SHROOM3: variants seen among roughly 807,000 people sequenced by gnomAD.
The protein encoded by SHROOM3 is shroom family member 3, also known as protein Shroom3.
Under a neutral mutation model 138.6 loss-of-function variants are expected in SHROOM3, and 47 were observed. The observed-to-expected ratio is 0.34, with a 90% CI of 0.27 to 0.43. SHROOM3 has a LOEUF of 0.43. Among genes scored for constraint, SHROOM3 ranks in the 20% least tolerant of loss-of-function variants. The probability of loss-of-function intolerance (pLI) is 1.00; values close to 1 mark genes in which losing one functional copy is unlikely to be tolerated. For missense variants in SHROOM3, 2,491 were observed against 2,596.5 expected (o/e 0.96, Z 0.88); for synonymous variants, 1,062 against 1,063.3 (o/e 1.00, Z 0.02).
At chr4:76,442,610 C>T (rs1295694388) in intron 1 of SHROOM3, among the ~76,000 whole-genome samples, 2 of 151,856 alleles carry the variant, frequency 1.3e-5, no homozygotes, top group Non-Finnish European at 2.9e-5. Context: ...AGGGTTTCAC[C>T]GTGTTAGCCA....
intron 2 of SHROOM3, among the ~76,000 whole-genome samples, chr4:76,559,926 G>C (rs1032209396): frequency 6.6e-6 from 1 of 152,194 alleles, no homozygotes; most frequent in African/African-American, 2.4e-5. Context: ...CAGAGCATGT[G>C]TCTGCTGCTT....
At position 76,740,451 on chromosome 4, in the gene SHROOM3, G is replaced by A. The variant is rs1721209702; in HGVS notation, c.2278G>A (p.Gly760Arg). Residue 760 changes from glycine to arginine, a missense_variant, in exon 5 of 11, where the codon GGG (glycine) becomes AGG (arginine). Around this residue, in one of 4 missense-constraint regions of SHROOM3, gnomAD observed 1,733 missense variants for 1,661.6 expected, o/e 1.04. Coordinates refer to ENST00000296043, the MANE Select transcript of SHROOM3 (RefSeq NM_020859.4). This position sits in a 1 kb window ranked among gnomAD's most constrained non-coding sequence, Gnocchi z 4.0. ...HPHTSSLGRR[G>R]PGPGSASALQ... ...GCACACATCCAGTCTGGGCCGGAGGGGGCCCGGCCCAGGCAGCGCCTCGGC... is the reference window on the plus strand; with the variant it reads ...GCACACATCCAGTCTGGGCCGGAGGAGGCCCGGCCCAGGCAGCGCCTCGGC... 1 of 1,611,506 alleles carries A rather than the reference G, an allele frequency of 6.2e-7. No homozygotes were observed. Among genetic ancestry groups the A allele is most frequent in the Non-Finnish European group, 8.5e-7 (1 of 1,178,666 alleles).
intron 2 of SHROOM3, among the ~76,000 whole-genome samples, chr4:76,588,001 G>A (rs968376967): frequency 4.6e-5 from 7 of 152,058 alleles, no homozygotes; most frequent in Non-Finnish European, 8.8e-5. Flanking sequence ...ATCATTTTTT[G>A]TATGGAGAGG....
Position 76,741,624 on chromosome 4 carries a change from A to T in SHROOM3, c.3451A>T (p.Arg1151Trp). 6.5e-7 allele frequency: 1 copy of T among 1,541,748 alleles called. No individual in the cohort carries two copies. The highest frequency in any genetic ancestry group is 8.7e-7 in the Non-Finnish European group (1 of 1,149,140). The change falls in exon 5 of 11, where the codon AGG becomes TGG. Residue 1151 changes from arginine (R) to tryptophan (W), a missense_variant. By Grantham distance (101) the Arg-to-Trp change is moderately radical. Around this residue, in one of 4 missense-constraint regions of SHROOM3, gnomAD observed 1,733 missense variants for 1,661.6 expected, o/e 1.04. Transcript: ENST00000296043. The surrounding 1 kb of genome is among the most constrained non-coding windows in gnomAD (Gnocchi z 6.2). ...SLREPSLQPR[R>W]EATLLPATVA... ...GCGGGAGCCCAGCCTGCAGCCCCGCAGGGAGGCCACGCTCCTGCCGGCCAC... is the reference window on the plus strand; with the variant it reads ...GCGGGAGCCCAGCCTGCAGCCCCGCTGGGAGGCCACGCTCCTGCCGGCCAC...
intron 2 of SHROOM3, among the ~76,000 whole-genome samples, chr4:76,587,782 A>G (rs1245784166): frequency 6.6e-6 from 1 of 152,236 alleles, no homozygotes; most frequent in African/African-American, 2.4e-5. Flanking sequence ...ACTTAAAAAT[A>G]TAGTGTATAT....
intron 2 of SHROOM3, chr4:76,688,617 G>C: frequency 1.0e-6 from 1 of 985,380 alleles, no homozygotes; most frequent in African/African-American, 1.7e-5. Flanking sequence ...CGTTGAAAGA[G>C]GCTGGAAGAA....
intron 5 of SHROOM3, among the ~76,000 whole-genome samples, chr4:76,743,741 G>C (rs1721340206): frequency 6.6e-6 from 1 of 152,294 alleles, no homozygotes; most frequent in Non-Finnish European, 1.5e-5. Context: ...TTTTCTCCCA[G>C]TATAAATCCC....
chr4:76,698,828 G>A (rs909394834), intron 2 of SHROOM3, among the ~76,000 whole-genome samples: 1 of 152,042 alleles, frequency 6.6e-6, no homozygotes, highest in South Asian at 2.1e-4. Flanking sequence ...CACTCACTGG[G>A]TCCTCTATAT....
chr4:76,722,950 T>C (rs1022953600), intron 3 of SHROOM3, among the ~76,000 whole-genome samples: 3 of 152,078 alleles, frequency 2.0e-5, no homozygotes, highest in Admixed American at 6.5e-5. Flanking sequence ...GCTGGTAGTC[T>C]GAGTATATTT....
At chr4:76,532,132 C>G (rs1732842679) in intron 1 of SHROOM3, 1 of 147,380 alleles carries the variant, frequency 6.8e-6, no homozygotes, top group Non-Finnish European at 1.5e-5. Context: ...TGTTCAATTC[C>G]CACCTATGAG....
intron 5 of SHROOM3, 110 bp from the exon 6 acceptor site, chr4:76,748,907 T>A: frequency 4.7e-6 from 4 of 855,332 alleles, no homozygotes; most frequent in Non-Finnish European, 7.6e-6. Flanking sequence ...GGCCTGACAA[T>A]AGTAGGTTGC....
intron 2 of SHROOM3, among the ~76,000 whole-genome samples, chr4:76,659,392 T>G (rs1023227155): frequency 6.6e-6 from 1 of 152,176 alleles, no homozygotes; most frequent in Admixed American, 6.5e-5. Context: ...CTGGGCTCCT[T>G]TGGAAAAAGT....
In SHROOM3 at chr4:76,783,024, C is replaced by T. The variant is rs1416126081; in HGVS notation, c.*3847C>T. The T allele has an allele frequency of 1.3e-5, 2 of 152,168 alleles. No individual in the cohort carries two copies. The highest frequency in any genetic ancestry group is 3.8e-4 in the East Asian group (2 of 5,196). The allele number at this position is 152,168 out of a possible 1,614,324, so 9.4% of individuals were successfully genotyped here. On this transcript the variant is annotated 3_prime_UTR_variant, in exon 11 of 11. Coordinates refer to ENST00000296043, the MANE Select transcript of SHROOM3 (RefSeq NM_020859.4). ...ATCCTTGGAATGCTTGTTAAAAATA[C>T]CAATTGCTATGACAAAACCAAGTCT...
At chr4:76,550,264 A>G (rs1371740241) in intron 1 of SHROOM3, among the ~76,000 whole-genome samples, 1 of 152,160 alleles carries the variant, frequency 6.6e-6, no homozygotes, top group Non-Finnish European at 1.5e-5. Flanking sequence ...ATGCCTGCCA[A>G]TGATAGATGC....
intron 1 of SHROOM3, among the ~76,000 whole-genome samples, chr4:76,497,656 G>A (rs1178670016): frequency 1.6e-4 from 24 of 152,084 alleles, no homozygotes; most frequent in African/African-American, 5.6e-4. Context: ...TCAGGAATTC[G>A]AGACCAGCCT....
chr4:76,460,865 G>A (rs575674746), intron 1 of SHROOM3, among the ~76,000 whole-genome samples: 1 of 137,684 alleles, frequency 7.3e-6, no homozygotes, highest in East Asian at 2.2e-4. Flanking sequence ...ATGGTAGTAT[G>A]CCCCTGTAGT....
At chr4:76,758,335 C>T (rs1025675154) in intron 8 of SHROOM3, 15 of 151,916 alleles carry the variant, frequency 9.9e-5, no homozygotes, top group African/African-American at 3.4e-4. Flanking sequence ...GGCTGAAGGA[C>T]CAAAGTAACA....
chr4:76,522,695 G>A (rs1368110017), intron 1 of SHROOM3, among the ~76,000 whole-genome samples: 1 of 152,172 alleles, frequency 6.6e-6, no homozygotes, highest in African/African-American at 2.4e-5. Context: ...GGCTGAGACA[G>A]GAGAATCGCT....
At chr4:76,688,973 T>TTG in intron 2 of SHROOM3, 2 of 977,164 alleles carry the variant, frequency 2.0e-6, no homozygotes, top group South Asian at 9.5e-5. Context: ...TTTTTTTTTT[T>TTG]TTTTTAGCTG....
Sources: allele counts gnomAD v4.1 joint callset (sites outside exome capture counted in the v4.1 genomes callset), GRCh38; gene constraint gnomAD v4.1.1; regional missense constraint gnomAD v4.1.1; non-coding constraint Gnocchi (gnomAD v3.1); transcripts MANE v1.5; gene names NCBI Gene and HGNC (gene_info 2026-07-23, HGNC 2026-07-21).